Variants in CCDC152 observed in about 807,000 individuals in gnomAD.
The protein encoded by CCDC152 is coiled-coil domain-containing protein 152.
In CCDC152, 37 loss-of-function variants were observed where a neutral mutation model predicts 38.1. The observed-to-expected ratio is 0.97, with a 90% CI of 0.75 to 1.28. The LOEUF (loss-of-function observed/expected upper bound fraction) is 1.28, where lower values mean the gene tolerates loss of function less well. Among genes scored for constraint, CCDC152 ranks in the 50% most tolerant of loss-of-function variants. The pLI is 0.00. For synonymous variants in CCDC152, 83 were observed against 87.1 expected (o/e 0.95, Z 0.26); for missense variants, 259 against 292.1 (o/e 0.89, Z 0.83).
intron 6 of CCDC152, among the ~76,000 whole-genome samples, chr5:42,784,280 C>G (rs1405394189): frequency 6.6e-6 from 1 of 151,898 alleles, no homozygotes; most frequent in Non-Finnish European, 1.5e-5. Context: ...TTTAGTAATA[C>G]TCATTTTGAC....
chr5:42,759,003 C>A, intron 1 of CCDC152, 117 bp from the exon 2 acceptor site: 1 of 656,874 alleles, frequency 1.5e-6, no homozygotes, highest in South Asian at 2.8e-5. Flanking sequence ...CAATGGAGCC[C>A]AAGTAGGTGC....
intron 4 of CCDC152, among the ~76,000 whole-genome samples, chr5:42,777,296 C>T (rs904057984): frequency 6.6e-6 from 1 of 151,958 alleles, no homozygotes; most frequent in Non-Finnish European, 1.5e-5. Flanking sequence ...AACCCCATCT[C>T]TACCAAAAAT....
intron 3 of CCDC152, among the ~76,000 whole-genome samples, chr5:42,767,021 C>T (rs1759633588): frequency 6.6e-6 from 1 of 151,862 alleles, no homozygotes; most frequent in Non-Finnish European, 1.5e-5. Flanking sequence ...TCTCATGTAC[C>T]CCATAAATAT....
intron 2 of CCDC152, among the ~76,000 whole-genome samples, chr5:42,761,197 A>G (rs903995202): frequency 2.6e-5 from 4 of 152,344 alleles, no homozygotes; most frequent in Middle Eastern, 3.4e-3. Context: ...CCCAAGAGAT[A>G]TGGTCAAGAA....
chr5:42,759,347 C>G, intron 2 of CCDC152, 139 bp downstream of exon 2: 1 of 545,422 alleles, frequency 1.8e-6, no homozygotes, highest in South Asian at 2.9e-5. Flanking sequence ...GCTCTTCTCT[C>G]TCATTTTAAA....
intron 4 of CCDC152, among the ~76,000 whole-genome samples, chr5:42,774,880 T>C (rs1031498063): frequency 2.6e-5 from 4 of 152,170 alleles, no homozygotes; most frequent in Admixed American, 1.3e-4. Flanking sequence ...CTAAAGGCTC[T>C]AAACAGTGTA....
chr5:42,796,039 A>G (rs1290433321), intron 6 of CCDC152, among the ~76,000 whole-genome samples: 1 of 151,288 alleles, frequency 6.6e-6, no homozygotes, highest in African/African-American at 2.4e-5. Context: ...GAATTGAACA[A>G]TGAGAACACA....
chr5:42,789,678 AG>A (rs2111585593), intron 6 of CCDC152, among the ~76,000 whole-genome samples: 1 of 152,288 alleles, frequency 6.6e-6, no homozygotes, highest in South Asian at 2.1e-4. Flanking sequence ...GTATATGTAA[AG>A]CATATTGAAT....
chr5:42,778,153 C>T (rs1409869074), intron 4 of CCDC152, among the ~76,000 whole-genome samples: 1 of 152,174 alleles, frequency 6.6e-6, no homozygotes, highest in Non-Finnish European at 1.5e-5. Flanking sequence ...GACTAGGGCA[C>T]ATGCCACAAT....
chr5:42,791,245 C>A (rs1363602547), intron 6 of CCDC152, among the ~76,000 whole-genome samples: 2 of 152,214 alleles, frequency 1.3e-5, no homozygotes, highest in Non-Finnish European at 2.9e-5. Context: ...ACTATCTCTA[C>A]AACTACCTGC....
chr5:42,770,490 C>G (rs1371558983), intron 4 of CCDC152, among the ~76,000 whole-genome samples: 8 of 143,690 alleles, frequency 5.6e-5, no homozygotes. Flanking sequence ...GTTCCATAAT[C>G]TACATGTCTT....
At chr5:42,760,850 T>C (rs754453717) in intron 2 of CCDC152, among the ~76,000 whole-genome samples, 1 of 152,170 alleles carries the variant, frequency 6.6e-6, no homozygotes, top group Non-Finnish European at 1.5e-5. Flanking sequence ...ATAAGAAGCA[T>C]TTTTGGTGGG....
Position 42,799,269 on chromosome 5 carries a change from C to T in CCDC152, c.559-106C>T, listed in dbSNP as rs1198819455. On this transcript the variant is annotated intron_variant, in intron 7 of 8. Coordinates refer to ENST00000361970, the MANE Select transcript of CCDC152 (RefSeq NM_001134848.2). ...TCTATTGTCTATACTGTAATTTACA[C>T]CTGAATTACAGATTACATGTCAAAG... 1.0e-5 allele frequency: 6 copies of T among 590,466 alleles called. No homozygotes were observed. The African/African-American group carries it at 1.2e-4, about 11-fold the overall frequency. 36.6% of individuals were successfully genotyped at this position (590,466 alleles called of 1,614,324 possible). A position where few individuals can be genotyped will look rare whatever the true frequency, so the allele number is the denominator to read the frequency against.
At chr5:42,764,557 A>C (rs187557784) in intron 3 of CCDC152, among the ~76,000 whole-genome samples, 2 of 152,316 alleles carry the variant, frequency 1.3e-5, no homozygotes, top group African/African-American at 2.4e-5. Context: ...TCAACAATAC[A>C]TTAGAAAGAT....
At chr5:42,767,659 A>T (rs533535559) in intron 3 of CCDC152, among the ~76,000 whole-genome samples, 1 of 152,376 alleles carries the variant, frequency 6.6e-6, no homozygotes, top group East Asian at 1.9e-4. Flanking sequence ...TGAAGAATTT[A>T]TCTATGCTCC....
chr5:42,766,302 G>A (rs2910862), intron 3 of CCDC152, among the ~76,000 whole-genome samples: 67,849 of 151,918 alleles, frequency 0.45, 15,337 homozygotes, highest in East Asian at 0.58. Context: ...GGGAACCCTC[G>A]TACACTGTTG....
chr5:42,765,302 A>T (rs562990517), intron 3 of CCDC152, among the ~76,000 whole-genome samples: 3 of 152,334 alleles, frequency 2.0e-5, no homozygotes, highest in Admixed American at 1.3e-4. Flanking sequence ...ATGTTCTTGG[A>T]TTGGAAGAAT....
rs1183555359 is a variant in CCDC152 at position 42,783,571 on chromosome 5, G to A, written c.425G>A (p.Arg142Lys). The A allele has an allele frequency of 1.0e-5, 14 of 1,352,170 alleles. No homozygotes were observed. The highest frequency in any genetic ancestry group is 1.2e-5 in the Non-Finnish European group (13 of 1,041,114). 83.8% of individuals were successfully genotyped at this position (1,352,170 alleles called of 1,614,324 possible). ...EISKLYQDMQ[R>K]KVELNEEKHK... is the part of the protein sequence containing the mutation. ...AGCAAACTTTATCAGGACATGCAGAGAAAAGGTAAGTTTAAAATAAACTTG... is the reference window on the plus strand; with the variant it reads ...AGCAAACTTTATCAGGACATGCAGAAAAAAGGTAAGTTTAAAATAAACTTG... The change falls in exon 6 of 9, where the codon AGA becomes AAA. Residue 142 changes from arginine to lysine, a missense_variant. Arg to Lys is a conservative substitution (Grantham distance 26, BLOSUM62 2). Transcript: ENST00000361970.
intron 5 of CCDC152, among the ~76,000 whole-genome samples, chr5:42,781,737 T>G (rs1759849873): frequency 6.6e-6 from 1 of 152,182 alleles, no homozygotes; most frequent in African/African-American, 2.4e-5. Context: ...TATATGTGTG[T>G]GCACATATAT....
Sources: gnomAD v4.1 joint callset for allele counts (sites outside exome capture counted in the v4.1 genomes callset) on GRCh38, gnomAD v4.1.1 for gene constraint, MANE v1.5 for transcripts, NCBI Gene and HGNC (gene_info 2026-07-23, HGNC 2026-07-21) for gene names.